The following FRMD6 variants were observed in gnomAD, a reference collection of about 807,000 sequenced individuals.
FRMD6 encodes the protein FERM domain-containing protein 6.
A neutral mutation model predicts 73.2 loss-of-function variants in FRMD6; 37 were observed. That is an observed-to-expected ratio of 0.51 (90% CI 0.39 to 0.66). The LOEUF (loss-of-function observed/expected upper bound fraction) is 0.66, where lower values mean the gene tolerates loss of function less well. Ranked by LOEUF, FRMD6 falls within the 30% of genes least tolerant of loss-of-function variation. The pLI is 0.00. For missense variants in FRMD6, 714 were observed against 780.5 expected (o/e 0.91, Z 1.02); for synonymous variants, 273 against 282.2 (o/e 0.97, Z 0.33).
At chr14:51,721,891 T>G in intron 11 of FRMD6, 58 bp from the exon 12 acceptor site, 1 of 1,594,802 alleles carries the variant, frequency 6.3e-7, no homozygotes, top group Non-Finnish European at 8.6e-7. Flanking sequence ...TATGGTTGCA[T>G]ATTATGATGG....
chr14:51,534,691 G>T (rs1885781537), intron 1 of FRMD6, among the ~76,000 whole-genome samples: 1 of 152,150 alleles, frequency 6.6e-6, no homozygotes, highest in Non-Finnish European at 1.5e-5. Flanking sequence ...GTAAATAATT[G>T]CTTTGTCATG....
the FRMD6 span, among the ~76,000 whole-genome samples, chr14:51,414,844 T>C: frequency 6.6e-6 from 1 of 152,188 alleles, no homozygotes; most frequent in Admixed American, 6.5e-5. Flanking sequence ...TGGTTTGTAG[T>C]TCTCCTTGAA....
At chr14:51,646,651 G>C (rs1892088431) in intron 2 of FRMD6, among the ~76,000 whole-genome samples, 2 of 149,564 alleles carry the variant, frequency 1.3e-5, no homozygotes, top group South Asian at 4.3e-4. Flanking sequence ...CACACAAACA[G>C]AATACATGAG....
Position 51,722,020 on chromosome 14 carries a change from G to C in FRMD6, c.1432G>C (p.Asp478His). ...TGAAGAGTCTCTGGAAGTCAGCCCA[G>C]ACATGTGCATCTACATCACAGAGGA... ...MNEESLEVSPDMCIYITEDML... is the reference protein window; with the variant it reads ...MNEESLEVSPHMCIYITEDML... Residue 478 changes from aspartate to histidine, a missense_variant, in exon 12 of 14, where the codon GAC (aspartate) becomes CAC (histidine). Asp to His is a moderately conservative substitution (Grantham distance 81, BLOSUM62 -1). Transcript: ENST00000344768. 1 of 1,614,140 alleles carries C rather than the reference G, an allele frequency of 6.2e-7. No homozygotes were observed. The highest frequency in any genetic ancestry group is 1.6e-4 in the Middle Eastern group (1 of 6,062).
Position 51,660,488 on chromosome 14 carries a change from A to G in FRMD6, c.-147+8492A>G, listed in dbSNP as rs552148573. Among the ~76,000 whole-genome samples the G allele has an allele frequency of 1.7e-4, 26 of 152,268 alleles. 1 individual carries two copies. The South Asian group carries it at 5.4e-3, about 32-fold the overall frequency. ...GTGCAAGATCTGGTAAAAATCTCAA[A>G]TATTAAAAGACAACTATGAAATTAA... On this transcript the variant is annotated intron_variant, in intron 1 of 13. Transcript: ENST00000344768.
the FRMD6 span, among the ~76,000 whole-genome samples, chr14:51,437,137 G>A: frequency 6.6e-6 from 1 of 151,984 alleles, no homozygotes; most frequent in African/African-American, 2.4e-5. Context: ...CCTCCCCCGG[G>A]CCCCCACCCC....
At chr14:51,434,794 A>T in the FRMD6 span, among the ~76,000 whole-genome samples, 1 of 152,130 alleles carries the variant, frequency 6.6e-6, no homozygotes, top group Admixed American at 6.5e-5. Flanking sequence ...GGCATGCATC[A>T]CCTTACCCAA....
the FRMD6 span, among the ~76,000 whole-genome samples, chr14:51,430,591 C>T: frequency 6.6e-6 from 1 of 150,764 alleles, no homozygotes; most frequent in Non-Finnish European, 1.5e-5. Context: ...CTACATGCCA[C>T]AGGGAATCAT....
intron 1 of FRMD6, among the ~76,000 whole-genome samples, chr14:51,667,222 TGTAATGAGGAATTTTCTCATG>T (rs1187243194): frequency 6.6e-6 from 1 of 152,190 alleles, no homozygotes; most frequent in Non-Finnish European, 1.5e-5. Context: ...CAAAGGTATT[TGTAATGAGGAATTTTCTCATG>T]GCTTTCAGAA....
chr14:51,603,670 T>G (rs953516713), intron 2 of FRMD6, among the ~76,000 whole-genome samples: 1 of 152,194 alleles, frequency 6.6e-6, no homozygotes, highest in Non-Finnish European at 1.5e-5. Flanking sequence ...AACTGCTCAC[T>G]GGGGTTGAGA....
At chr14:51,614,544 A>G (rs1448529376) in intron 2 of FRMD6, among the ~76,000 whole-genome samples, 2 of 152,192 alleles carry the variant, frequency 1.3e-5, no homozygotes, top group Admixed American at 6.5e-5. Context: ...AGGATTTTCA[A>G]TTCAGTGAAT....
At chr14:51,702,459 A>C in intron 4 of FRMD6, 53 bp from the exon 5 acceptor site, 1 of 1,483,656 alleles carries the variant, frequency 6.7e-7, no homozygotes, top group Non-Finnish European at 9.4e-7. Flanking sequence ...TTTGAAACCC[A>C]TTTTCAAAGT....
At chr14:51,707,473 G>A (rs1396496025) in intron 6 of FRMD6, among the ~76,000 whole-genome samples, 1 of 152,160 alleles carries the variant, frequency 6.6e-6, no homozygotes, top group Non-Finnish European at 1.5e-5. Context: ...AAAGCCCAGA[G>A]TACTGTCTGA....
At chr14:51,432,411 A>G in the FRMD6 span, among the ~76,000 whole-genome samples, 1 of 152,112 alleles carries the variant, frequency 6.6e-6, no homozygotes, top group East Asian at 1.9e-4. Flanking sequence ...TTCTTTTGCA[A>G]ACAGGTAGAG....
intron 2 of FRMD6, chr14:51,638,029 G>T (rs1594636958): frequency 6.6e-6 from 1 of 152,418 alleles, no homozygotes; most frequent in Non-Finnish European, 1.5e-5. Context: ...TGTAATACCA[G>T]CACTTTGGGA....
intron 1 of FRMD6, among the ~76,000 whole-genome samples, chr14:51,665,527 C>T (rs920070152): frequency 3.3e-5 from 5 of 152,198 alleles, no homozygotes; most frequent in African/African-American, 7.2e-5. Flanking sequence ...CCGCTGCGTC[C>T]GAGCTGCATG....
intron 1 of FRMD6, among the ~76,000 whole-genome samples, chr14:51,666,526 A>T (rs1169952546): frequency 1.3e-5 from 2 of 152,200 alleles, no homozygotes; most frequent in Admixed American, 1.3e-4. Flanking sequence ...GGGCAGTCTG[A>T]TCTGGTCTAG....
chr14:51,547,789 T>C (rs1022824035), intron 1 of FRMD6: 3 of 152,022 alleles, frequency 2.0e-5, no homozygotes, highest in Admixed American at 1.3e-4. Context: ...AGAGCATTTA[T>C]TTTACAAAAA....
chr14:51,474,463 A>G, the FRMD6 span, among the ~76,000 whole-genome samples: 1 of 152,336 alleles, frequency 6.6e-6, no homozygotes, highest in African/African-American at 2.4e-5. Context: ...TGCATCTGAA[A>G]TGCAGAAATC....
Sources: gnomAD v4.1 joint callset for allele counts (sites outside exome capture counted in the v4.1 genomes callset) on GRCh38, gnomAD v4.1.1 for gene constraint, MANE v1.5 for transcripts, NCBI Gene and HGNC (gene_info 2026-07-23, HGNC 2026-07-21) for gene names.